The following RBFOX3 variants were observed in gnomAD, a reference collection of about 807,000 sequenced individuals.
RBFOX3 encodes the protein RNA binding protein fox-1 homolog 3.
Under a neutral mutation model 48.7 loss-of-function variants are expected in RBFOX3, and 17 were observed. The observed-to-expected ratio is 0.35, with a 90% CI of 0.24 to 0.52. The LOEUF is 0.52. Among genes scored for constraint, RBFOX3 ranks in the 20% least tolerant of loss-of-function variants. The pLI, the probability that RBFOX3 is intolerant of heterozygous loss-of-function variation, is 0.94. For missense variants in RBFOX3, 382 were observed against 497.5 expected, an observed-to-expected ratio of 0.77 and a Z score of 2.21; for synonymous variants, 212 against 209.5, an observed-to-expected ratio of 1.01 and a Z score of -0.10.
At chr17:79,106,557 G>C in intron 6 of RBFOX3, 94 bp downstream of exon 6, 4 of 1,364,150 alleles carry the variant, frequency 2.9e-6, no homozygotes, top group Non-Finnish European at 3.8e-6. Context: ...AAACCCGGGG[G>C]AACAGGTGTC....
upstream of RBFOX3, among the ~76,000 whole-genome samples, chr17:79,615,086 AG>A (rs1299349534): frequency 1.4e-4 from 21 of 152,180 alleles, 1 homozygote; most frequent in Admixed American, 1.3e-4. Context: ...TGTTTCCCCA[AG>A]TTTCCAGGTG....
chr17:79,341,246 G>A (rs1380863153), intron 2 of RBFOX3, among the ~76,000 whole-genome samples: 1 of 152,174 alleles, frequency 6.6e-6, no homozygotes, highest in Non-Finnish European at 1.5e-5. Flanking sequence ...ACAGGTGTGT[G>A]TGTACATGTG....
At chr17:79,114,317 G>A (rs912377074) in intron 5 of RBFOX3, among the ~76,000 whole-genome samples, 3 of 152,190 alleles carry the variant, frequency 2.0e-5, no homozygotes, top group Admixed American at 1.3e-4. Flanking sequence ...TCCTGTGGCT[G>A]TAGGAACCCT....
At chr17:79,320,537 C>G (rs570867729) in intron 2 of RBFOX3, among the ~76,000 whole-genome samples, 2 of 152,228 alleles carry the variant, frequency 1.3e-5, no homozygotes, top group African/African-American at 2.4e-5. Context: ...ATCCGTATAC[C>G]TGCCCTCCCT....
At chr17:79,493,917 G>A (rs2081070390) in intron 1 of RBFOX3, among the ~76,000 whole-genome samples, 2 of 152,122 alleles carry the variant, frequency 1.3e-5, no homozygotes, top group African/African-American at 2.4e-5. Context: ...TGGGCTGGGG[G>A]AGGAGGTGGA....
intron 4 of RBFOX3, among the ~76,000 whole-genome samples, chr17:79,167,073 G>C (rs74001605): frequency 0.17 from 26,239 of 152,084 alleles, 3,525 homozygotes; most frequent in African/African-American, 0.37. Flanking sequence ...TCACCCCCAC[G>C]ACAGACGCGC....
At chr17:79,534,757 ATCTGTG>A (rs1461130907) in intron 1 of RBFOX3, among the ~76,000 whole-genome samples, 2 of 152,222 alleles carry the variant, frequency 1.3e-5, no homozygotes, top group Non-Finnish European at 2.9e-5. Flanking sequence ...ATGGCCAAGC[ATCTGTG>A]TCTCCCCAGT....
At chr17:79,244,696 G>GTCTTCCCTTCTC (rs1555626004) in intron 3 of RBFOX3, among the ~76,000 whole-genome samples, 1 of 148,358 alleles carries the variant, frequency 6.7e-6, no homozygotes, top group Non-Finnish European at 1.5e-5. Flanking sequence ...CCCTCCTAGA[G>GTCTTCCCTTCTC]CCTTCCCTTC....
At chr17:79,660,961 G>A in the RBFOX3 span, among the ~76,000 whole-genome samples, 4 of 152,176 alleles carry the variant, frequency 2.6e-5, no homozygotes, top group African/African-American at 9.7e-5. Context: ...AAAAAGGAAT[G>A]AGAACATGTC....
Position 79,212,684 on chromosome 17 carries a change from C to T in RBFOX3, c.-34+23082G>A, listed in dbSNP as rs1041774620. Among the ~76,000 whole-genome samples the T allele has an allele frequency of 2.2e-4, 33 of 152,312 alleles. No individual in the cohort carries two copies. Among genetic ancestry groups the T allele is most frequent in the Middle Eastern group, 3.4e-3 (1 of 294 alleles). ...TCTGCTCCTTTTCAATCACAAATGT[C>T]GCTGACAGTCCCCACACTACCACTT... On this transcript the variant is annotated intron_variant, in intron 4 of 14. Coordinates refer to ENST00000693108, the MANE Select transcript of RBFOX3 (RefSeq NM_001350451.2). This position sits in a 1 kb window ranked among gnomAD's most constrained non-coding sequence, Gnocchi z 4.7.
In RBFOX3 at chr17:79,252,671, C is replaced by T. The variant is rs552359861; in HGVS notation, c.-73-16866G>A. Among the ~76,000 whole-genome samples the T allele has an allele frequency of 2.0e-5, 3 of 152,172 alleles. No individual in the cohort carries two copies. Among genetic ancestry groups the T allele is most frequent in the East Asian group, 1.9e-4 (1 of 5,190 alleles). ...CGTTTCAAGCCGCTACGTTTGTTTG[C>T]GACGGCGGCACCTAATGCGGTCCTC... On this transcript the variant is annotated intron_variant, in intron 3 of 14. Transcript: ENST00000693108. The surrounding 1 kb of genome is among the most constrained non-coding windows in gnomAD (Gnocchi z 4.0).
At chr17:79,284,935 C>T (rs1055595038) in intron 3 of RBFOX3, among the ~76,000 whole-genome samples, 9 of 152,128 alleles carry the variant, frequency 5.9e-5, no homozygotes, top group South Asian at 4.2e-4. Context: ...CCCTGGTGTT[C>T]GGAGAGAAGA....
At chr17:79,190,923 A>T (rs1015902369) in intron 4 of RBFOX3, among the ~76,000 whole-genome samples, 3 of 152,218 alleles carry the variant, frequency 2.0e-5, no homozygotes, top group Admixed American at 6.5e-5. Flanking sequence ...GGAAGACTGT[A>T]CACACAATGT....
rs1386197580 is a variant in RBFOX3, at chr17:79,569,235, T to A, written c.-320+41591A>T. Among the ~76,000 whole-genome samples, 3 of 152,074 alleles carry A rather than the reference T, an allele frequency of 2.0e-5. No individual in the cohort carries two copies. In the East Asian group the frequency reaches 5.8e-4, roughly 29 times the overall value. On this transcript the variant is annotated intron_variant, in intron 1 of 14. Coordinates refer to ENST00000693108, the MANE Select transcript of RBFOX3 (RefSeq NM_001350451.2). ...CAGAAACTCCATTCCTATTAAACAA[T>A]AGCTCCCCACTCCCCCCAAGCCCTG...
chr17:79,141,273 C>G (rs2041863933), intron 4 of RBFOX3, among the ~76,000 whole-genome samples: 1 of 152,116 alleles, frequency 6.6e-6, no homozygotes, highest in Non-Finnish European at 1.5e-5. Context: ...GACTCAGGAG[C>G]TGGGGTTGGG....
intron 2 of RBFOX3, among the ~76,000 whole-genome samples, chr17:79,331,781 C>A (rs79137927): frequency 6.6e-6 from 1 of 152,188 alleles, no homozygotes; most frequent in Non-Finnish European, 1.5e-5. Context: ...GAAGTGAGGC[C>A]ACACAGCTCT....
chr17:79,339,106 G>C (rs2081639567), intron 2 of RBFOX3, among the ~76,000 whole-genome samples: 1 of 151,530 alleles, frequency 6.6e-6, no homozygotes, highest in East Asian at 1.9e-4. Context: ...CCAGGCTAGA[G>C]TACAGTGATG....
At position 79,535,175 on chromosome 17, in the gene RBFOX3, G is replaced by A. The variant is rs950691336; in HGVS notation, c.-319-52577C>T. On this transcript the variant is annotated intron_variant, in intron 1 of 14. Coordinates refer to ENST00000693108, the MANE Select transcript of RBFOX3 (RefSeq NM_001350451.2). The surrounding 1 kb of genome is among the most constrained non-coding windows in gnomAD (Gnocchi z 4.5). The stretch of plus-strand genomic sequence containing the variant: ...AGGACACAGGTCCTGTCTCCTGCCT[G>A]CTCTGCTACCCTCAATGTAGGCCTC... 2.0e-5 allele frequency among the ~76,000 whole-genome samples: 3 copies of A among 152,190 alleles called. No homozygotes were observed. The highest frequency in any genetic ancestry group is 4.4e-5 in the Non-Finnish European group (3 of 68,030).
intron 1 of RBFOX3, among the ~76,000 whole-genome samples, chr17:79,509,127 C>G (rs1417626029): frequency 1.3e-5 from 2 of 151,894 alleles, no homozygotes; most frequent in African/African-American, 4.8e-5. Flanking sequence ...CCCAGGGCCC[C>G]GGCCCTGGGG....
Sources: allele counts gnomAD v4.1 joint callset (sites outside exome capture counted in the v4.1 genomes callset), GRCh38; gene constraint gnomAD v4.1.1; non-coding constraint Gnocchi (gnomAD v3.1); transcripts MANE v1.5; gene names NCBI Gene and HGNC (gene_info 2026-07-23, HGNC 2026-07-21).